The following KDM4C variants were observed in gnomAD, a reference collection of about 807,000 sequenced individuals.
KDM4C encodes the protein lysine-specific demethylase 4C.
KDM4C carries 81 observed loss-of-function variants against 129.3 expected under a neutral mutation model. That is an observed-to-expected ratio of 0.63 (90% CI 0.52 to 0.75). The LOEUF (loss-of-function observed/expected upper bound fraction) is 0.75, where lower values mean the gene tolerates loss of function less well. KDM4C is among the 30% of genes least tolerant of loss of function. The pLI, the probability that KDM4C is intolerant of heterozygous loss-of-function variation, is 0.00. For synonymous variants in KDM4C, 573 were observed against 456.1 expected, an observed-to-expected ratio of 1.26 and a Z score of -3.26; for missense variants, 1,457 against 1,304.0, an observed-to-expected ratio of 1.12 and a Z score of -1.81.
At chr9:7,099,503 C>T (rs1006464710) in intron 17 of KDM4C, among the ~76,000 whole-genome samples, 1 of 152,212 alleles carries the variant, frequency 6.6e-6, no homozygotes, top group African/African-American at 2.4e-5. Context: ...TGAGGATTCT[C>T]TCAGCCCTTG....
intron 2 of KDM4C, among the ~76,000 whole-genome samples, chr9:6,801,883 T>C (rs1485356629): frequency 6.6e-6 from 1 of 152,032 alleles, no homozygotes. Context: ...GGCGGGTGGA[T>C]CACCTGAGGT....
intron 8 of KDM4C, among the ~76,000 whole-genome samples, chr9:6,904,922 G>A (rs1818046988): frequency 6.6e-6 from 1 of 152,076 alleles, no homozygotes; most frequent in South Asian, 2.1e-4. Flanking sequence ...TGGTTTCTAA[G>A]TACGAGCCTA....
intron 18 of KDM4C, among the ~76,000 whole-genome samples, chr9:7,112,571 A>C (rs1838446733): frequency 6.6e-6 from 1 of 152,188 alleles, no homozygotes; most frequent in Non-Finnish European, 1.5e-5. Context: ...TTTAGAACTG[A>C]TTATGAGGAA....
At chr9:6,850,403 A>G (rs1838623827) in intron 5 of KDM4C, among the ~76,000 whole-genome samples, 2 of 152,122 alleles carry the variant, frequency 1.3e-5, no homozygotes, top group Admixed American at 6.5e-5. Flanking sequence ...GTTTCAAACC[A>G]TCTTCATGAT....
intron 8 of KDM4C, among the ~76,000 whole-genome samples, chr9:6,946,924 A>ATC (rs1361003776): frequency 6.6e-6 from 1 of 151,994 alleles, no homozygotes; most frequent in East Asian, 1.9e-4. Flanking sequence ...AAATAAATGC[A>ATC]TCTCACTTCA....
chr9:7,104,781 C>T (rs1837491255), intron 18 of KDM4C, among the ~76,000 whole-genome samples: 1 of 152,242 alleles, frequency 6.6e-6, no homozygotes, highest in African/African-American at 2.4e-5. Flanking sequence ...GCCTAACATG[C>T]TTCTCCTATG....
intron 12 of KDM4C, among the ~76,000 whole-genome samples, chr9:7,006,463 C>A (rs537765357): frequency 6.6e-6 from 1 of 152,094 alleles, no homozygotes; most frequent in African/African-American, 2.4e-5. Flanking sequence ...GTTTGAAAAA[C>A]AGAATTGTTT....
At chr9:7,106,573 T>C (rs1329278804) in intron 18 of KDM4C, among the ~76,000 whole-genome samples, 4 of 152,214 alleles carry the variant, frequency 2.6e-5, no homozygotes, top group Non-Finnish European at 5.9e-5. Flanking sequence ...CTTATTTTTT[T>C]ATTTCTCCCA....
chr9:6,942,146 C>T (rs3818891), intron 8 of KDM4C, among the ~76,000 whole-genome samples: 39,482 of 152,120 alleles, frequency 0.26, 5,589 homozygotes, highest in South Asian at 0.42. Context: ...GGTGAAGTAG[C>T]AGAGCAATAA....
rs892674662 is a variant in KDM4C at position 6,743,784 on chromosome 9, G to A, written c.49+22787G>A. 2.0e-5 allele frequency among the ~76,000 whole-genome samples: 3 copies of A among 152,202 alleles called. No homozygotes were observed. In the East Asian group the frequency reaches 5.8e-4, roughly 29 times the overall value. ...GGCCTCCCAAAGTGCTGGGATAACA[G>A]GCGTGAGTCACCATGCCTGTCCCAG... On this transcript the variant is annotated intron_variant, in intron 1 of 17. Transcript: ENST00000536108.
At chr9:6,941,324 T>C (rs1194508976) in intron 8 of KDM4C, among the ~76,000 whole-genome samples, 1 of 152,176 alleles carries the variant, frequency 6.6e-6, no homozygotes, top group African/African-American at 2.4e-5. Context: ...TCACTGCATG[T>C]ATGTCTTTTG....
intron 17 of KDM4C, among the ~76,000 whole-genome samples, chr9:7,059,418 G>A (rs1219962016): frequency 4.6e-5 from 7 of 152,148 alleles, no homozygotes; most frequent in East Asian, 3.8e-4. Flanking sequence ...GAGTATTTTC[G>A]AAATGATGAA....
At chr9:6,792,037 A>G (rs970179471) in intron 1 of KDM4C, among the ~76,000 whole-genome samples, 6 of 151,678 alleles carry the variant, frequency 4.0e-5, no homozygotes, top group Non-Finnish European at 8.8e-5. Flanking sequence ...AGAAAAAGAG[A>G]AAAGGAAAAT....
At chr9:6,795,807 G>A (rs1443591198) in intron 2 of KDM4C, among the ~76,000 whole-genome samples, 2 of 151,750 alleles carry the variant, frequency 1.3e-5, no homozygotes, top group East Asian at 3.9e-4. Context: ...AATTAGCTGG[G>A]ATTACAGGTA....
chr9:6,986,583 G>T lies in KDM4C; in HGVS notation c.1594G>T (p.Val532Leu). The T allele has an allele frequency of 6.2e-7, 1 of 1,614,140 alleles. No individual in the cohort carries two copies. Among genetic ancestry groups the T allele is most frequent in the Non-Finnish European group, 8.5e-7 (1 of 1,180,000 alleles). The part of the protein sequence containing the change: ...GVLTEGEESD[V>L]ESHGNGLEPG... ...GTTAACAGAGGGAGAAGAGAGTGATGTGGAGAGCCATGGGAATGGCCTTGA... is the reference window on the plus strand; with the variant it reads ...GTTAACAGAGGGAGAAGAGAGTGATTTGGAGAGCCATGGGAATGGCCTTGA... Residue 532 changes from valine (V) to leucine (L), a missense_variant, in exon 11 of 22, where the codon GTG (valine) becomes TTG (leucine). Val to Leu is a conservative substitution (Grantham distance 32, BLOSUM62 1). Transcript: ENST00000381309.
chr9:7,012,897 A>T (rs1344921088), intron 13 of KDM4C, among the ~76,000 whole-genome samples: 1 of 152,218 alleles, frequency 6.6e-6, no homozygotes, highest in Admixed American at 6.5e-5. Flanking sequence ...ATAAAAATAA[A>T]CTGTTCTGTT....
At chr9:6,741,692 TTTG>T in intron 1 of KDM4C, among the ~76,000 whole-genome samples, 1 of 150,584 alleles carries the variant, frequency 6.6e-6, no homozygotes, top group African/African-American at 2.4e-5. Context: ...TTTTTTTTTT[TTTG>T]TCTTTTGGTG....
chr9:6,846,069 G>A (rs1017892509), intron 4 of KDM4C, among the ~76,000 whole-genome samples: 4 of 152,168 alleles, frequency 2.6e-5, no homozygotes, highest in African/African-American at 7.2e-5. Flanking sequence ...TTTGTGTAGA[G>A]TGGCACTGCC....
intron 17 of KDM4C, among the ~76,000 whole-genome samples, chr9:7,078,499 G>T (rs1834172389): frequency 6.6e-6 from 1 of 151,084 alleles, no homozygotes. Flanking sequence ...CCATATTCAT[G>T]TTCTCCTTAA....
Sources: gnomAD v4.1 joint callset for allele counts (sites outside exome capture counted in the v4.1 genomes callset) on GRCh38, gnomAD v4.1.1 for gene constraint, MANE v1.5 for transcripts, NCBI Gene and HGNC (gene_info 2026-07-23, HGNC 2026-07-21) for gene names.